The following NEMF variants were observed in gnomAD, a reference collection of about 807,000 sequenced individuals.
NEMF encodes the protein ribosome quality control complex subunit NEMF.
In NEMF, 89 loss-of-function variants were observed where a neutral mutation model predicts 162.2. That is an observed-to-expected ratio of 0.55 (90% CI 0.46 to 0.65). The LOEUF (loss-of-function observed/expected upper bound fraction) is 0.65, where lower values mean the gene tolerates loss of function less well. NEMF is among the 30% of genes least tolerant of loss of function. NEMF has a pLI of 0.00. For synonymous variants in NEMF, 421 were observed against 404.5 expected (o/e 1.04, Z -0.49); for missense variants, 1,133 against 1,261.9 (o/e 0.90, Z 1.55).
At chr14:49,788,478 T>C (rs761791177) in intron 28 of NEMF, among the ~76,000 whole-genome samples, 1 of 151,940 alleles carries the variant, frequency 6.6e-6, no homozygotes, top group South Asian at 2.1e-4. Context: ...CCATATGGCA[T>C]AGATTCCTAT....
intron 25 of NEMF, among the ~76,000 whole-genome samples, chr14:49,799,207 CAAAAA>C (rs780442972): frequency 0.011 from 666 of 59,040 alleles, 4 homozygotes; most frequent in African/African-American, 0.045. Context: ...GACCCTGTTT[CAAAAA>C]AAAAAAAAAA....
intron 5 of NEMF, among the ~76,000 whole-genome samples, chr14:49,838,747 G>C (rs923315518): frequency 1.3e-5 from 2 of 152,018 alleles, no homozygotes; most frequent in East Asian, 3.9e-4. Flanking sequence ...ACCACGCCCG[G>C]CTAATATTTT....
In NEMF at chr14:49,783,063, G is replaced by GC. The variant is rs1384348019; in HGVS notation, c.*1572_*1573insG. 8.6e-7 allele frequency: 1 copy of GC among 1,157,090 alleles called. No individual in the cohort carries two copies. The highest frequency in any genetic ancestry group is 2.5e-5 in the Admixed American group (1 of 39,346). 71.7% of individuals were successfully genotyped at this position (1,157,090 alleles called of 1,614,324 possible). On this transcript the variant is annotated 3_prime_UTR_variant, in exon 33 of 33. Transcript: ENST00000298310. Reference sequence around the variant, plus strand: ...TGCATTGTTGTAGTTTGCACCTGTTGGTTTTAATGTGCATGTGAATGGCCT... The same window carrying GC: ...TGCATTGTTGTAGTTTGCACCTGTTGCGTTTTAATGTGCATGTGAATGGCCT...
chr14:49,837,815 T>TAAA (rs10709373), intron 6 of NEMF, among the ~76,000 whole-genome samples: 2 of 122,772 alleles, frequency 1.6e-5, no homozygotes, highest in African/African-American at 6.1e-5. Flanking sequence ...ACCCACCAAT[T>TAAA]AAAAAAAAAA....
At position 49,814,836 on chromosome 14, in the gene NEMF, G is replaced by C; in HGVS notation, c.1599C>G (p.Phe533Leu). The part of the protein sequence containing the change: ...KVYWFEKFLW[F>L]ISSENYLIIG... ...TAATTAGATAGTTCTCTGAGCTAAT[G>C]AACCACAGAAATTTCTCAAACCTAT... is the stretch of plus-strand genomic sequence containing the variant. Residue 533 changes from phenylalanine to leucine, a missense_variant, in exon 17 of 33, where the codon TTC becomes TTG. By Grantham distance (22) the Phe-to-Leu change is conservative. Transcript: ENST00000298310. 6.3e-7 allele frequency: 1 copy of C among 1,575,372 alleles called. No individual in the cohort carries two copies. Among genetic ancestry groups the C allele is most frequent in the Non-Finnish European group, 8.6e-7 (1 of 1,164,156 alleles).
intron 19 of NEMF, among the ~76,000 whole-genome samples, chr14:49,804,367 A>C (rs1482419289): frequency 1.3e-5 from 2 of 152,078 alleles, no homozygotes; most frequent in African/African-American, 4.8e-5. Context: ...AAGTGAGTAA[A>C]CTTATCCCAT....
chr14:49,814,159 G>A (rs1891613891), intron 17 of NEMF, 109 bp from the exon 18 acceptor site: 4 of 655,366 alleles, frequency 6.1e-6, no homozygotes, highest in Non-Finnish European at 1.1e-5. Flanking sequence ...GAGTGCAGTG[G>A]CACGATTTCA....
At chr14:49,787,434 C>T (rs1012044022) in intron 28 of NEMF, among the ~76,000 whole-genome samples, 1 of 152,186 alleles carries the variant, frequency 6.6e-6, no homozygotes, top group African/African-American at 2.4e-5. Context: ...ACCTGTAATC[C>T]CAGCACTTTG....
At chr14:49,815,290 A>G (rs891911457) in intron 16 of NEMF, among the ~76,000 whole-genome samples, 3 of 152,218 alleles carry the variant, frequency 2.0e-5, no homozygotes, top group African/African-American at 7.2e-5. Context: ...GATATTCTTT[A>G]CATTTTTTTA....
At chr14:49,801,685 C>T (rs1462537971) in intron 22 of NEMF, among the ~76,000 whole-genome samples, 14 of 152,104 alleles carry the variant, frequency 9.2e-5, no homozygotes, top group African/African-American at 2.9e-4. Flanking sequence ...TCCCTAGTTT[C>T]CTCAGGTAGG....
At chr14:49,838,684 A>C (rs1030541205) in intron 5 of NEMF, among the ~76,000 whole-genome samples, 3 of 148,806 alleles carry the variant, frequency 2.0e-5, no homozygotes, top group African/African-American at 5.0e-5. Flanking sequence ...TCCTGGGTTC[A>C]CGCCATTCTC....
chr14:49,851,742 T>TA (rs1160880890), intron 2 of NEMF, 65 bp downstream of exon 2: 42 of 1,471,208 alleles, frequency 2.9e-5, no homozygotes, highest in Non-Finnish European at 3.3e-5. Flanking sequence ...AAATGTAGGT[T>TA]AAAAAAAATC....
At position 49,826,045 on chromosome 14, in the gene NEMF, T is replaced by C. The variant is rs112842290; in HGVS notation, c.1489-90A>G. 902 of 730,182 alleles carry C rather than the reference T, an allele frequency of 1.2e-3. 3 individuals carry two copies. In the African/African-American group the frequency reaches 0.014, roughly 11 times the overall value. The allele number at this position is 730,182 out of a possible 1,614,324, so 45.2% of individuals were successfully genotyped here. On this transcript the variant is annotated intron_variant, in intron 15 of 32. Transcript: ENST00000298310. Reference sequence around the variant, plus strand: ...ATAATGGGGCAAGAATTTTTTTAAATGTCACAAAATGGCACAATCTACACA... The same window carrying C: ...ATAATGGGGCAAGAATTTTTTTAAACGTCACAAAATGGCACAATCTACACA...
Position 49,844,196 on chromosome 14 carries a change from G to T in NEMF, c.357+1944C>A, listed in dbSNP as rs534352765. On this transcript the variant is annotated intron_variant, in intron 4 of 32. Coordinates refer to ENST00000298310, the MANE Select transcript of NEMF (RefSeq NM_004713.6). The stretch of plus-strand genomic sequence containing the variant: ...TGGAAGACAATTTTTCCATGGATGG[G>T]GGGTGCAGGGGTATGGTTTCCGGAT... Among the ~76,000 whole-genome samples the T allele has an allele frequency of 2.6e-5, 4 of 152,166 alleles. No homozygotes were observed. In the East Asian group the frequency reaches 7.7e-4, roughly 29 times the overall value.
intron 16 of NEMF, among the ~76,000 whole-genome samples, chr14:49,817,455 A>G (rs529529849): frequency 6.6e-6 from 1 of 152,304 alleles, no homozygotes; most frequent in South Asian, 2.1e-4. Context: ...ACAAAAAACA[A>G]ACAAATAAAA....
intron 18 of NEMF, among the ~76,000 whole-genome samples, chr14:49,810,876 A>G (rs1194273969): frequency 6.6e-6 from 1 of 152,172 alleles, no homozygotes; most frequent in Non-Finnish European, 1.5e-5. Context: ...CTATGGTCCC[A>G]ACTACTCAGG....
rs533627218 is a variant in NEMF at position 49,846,059 on chromosome 14, C to T, written c.357+81G>A. On this transcript the variant is annotated intron_variant, in intron 4 of 32. Coordinates refer to ENST00000298310, the MANE Select transcript of NEMF (RefSeq NM_004713.6). ...ACCTTTGACACAGAAAAAAAATGTT[C>T]CCCCACTCATGTTATATAGCACTAT... The T allele has an allele frequency of 9.9e-5, 118 of 1,189,962 alleles. 2 individuals are homozygous for T. The African/African-American group carries it at 1.6e-3, about 16-fold the overall frequency. 73.7% of individuals were successfully genotyped at this position (1,189,962 alleles called of 1,614,324 possible). A position where few individuals can be genotyped will look rare whatever the true frequency, so the allele number is the denominator to read the frequency against.
At chr14:49,815,693 G>T (rs1007153734) in intron 16 of NEMF, among the ~76,000 whole-genome samples, 1 of 152,094 alleles carries the variant, frequency 6.6e-6, no homozygotes, top group Non-Finnish European at 1.5e-5. Context: ...AGCTGGACAC[G>T]GTGCCTCACG....
At chr14:49,825,247 G>A (rs1892278140) in intron 16 of NEMF, among the ~76,000 whole-genome samples, 1 of 152,168 alleles carries the variant, frequency 6.6e-6, no homozygotes, top group Non-Finnish European at 1.5e-5. Flanking sequence ...AACTGTGTGT[G>A]TATGTAATGG....
Sources: allele counts gnomAD v4.1 joint callset (sites outside exome capture counted in the v4.1 genomes callset), GRCh38; gene constraint gnomAD v4.1.1; transcripts MANE v1.5; gene names NCBI Gene and HGNC (gene_info 2026-07-23, HGNC 2026-07-21).